GFPT2: variants seen among roughly 807,000 people sequenced by gnomAD.
GFPT2 encodes the protein glutamine--fructose-6-phosphate transaminase 2.
A neutral mutation model predicts 85.6 loss-of-function variants in GFPT2; 62 were observed. That is an observed-to-expected ratio of 0.72 (90% CI 0.59 to 0.90). The LOEUF (loss-of-function observed/expected upper bound fraction) is 0.90, where lower values mean the gene tolerates loss of function less well. GFPT2 is among the 40% of genes least tolerant of loss of function. The pLI is 0.00. For synonymous variants in GFPT2, 368 were observed against 344.5 expected (o/e 1.07, Z -0.75); for missense variants, 788 against 893.4 (o/e 0.88, Z 1.50).
chr5:180,324,954 C>T lies in GFPT2; in HGVS notation c.597-59G>A, dbSNP rs1581379219. ...GCCTTTGACGCCCAGTGCTGGGTGT[C>T]TGCCCAGCATCTGAGGTAGGATCCC... On this transcript the variant is annotated intron_variant, in intron 7 of 18. Coordinates refer to ENST00000253778, the MANE Select transcript of GFPT2 (RefSeq NM_005110.4). The T allele has an allele frequency of 1.4e-5, 14 of 1,036,536 alleles. No homozygotes were observed. The South Asian group carries it at 1.8e-4, about 13-fold the overall frequency. The allele number at this position is 1,036,536 out of a possible 1,614,324, so 64.2% of individuals were successfully genotyped here.
intron 4 of GFPT2, among the ~76,000 whole-genome samples, chr5:180,334,045 C>A (rs1224501146): frequency 6.6e-6 from 1 of 152,198 alleles, no homozygotes; most frequent in Non-Finnish European, 1.5e-5. Flanking sequence ...GGGCTCTGGC[C>A]AGATGTACAT....
chr5:180,352,153 G>T (rs1764722049), intron 1 of GFPT2, among the ~76,000 whole-genome samples: 1 of 152,036 alleles, frequency 6.6e-6, no homozygotes, highest in African/African-American at 2.4e-5. Context: ...GCCGTAGGTC[G>T]TTCCCTTCTG....
intron 1 of GFPT2, among the ~76,000 whole-genome samples, chr5:180,349,809 C>T (rs1455048238): frequency 3.3e-5 from 5 of 151,784 alleles, no homozygotes; most frequent in African/African-American, 9.7e-5. Context: ...GGACAAAAGA[C>T]GGTGATGTCA....
intron 1 of GFPT2, 36 bp from the exon 2 acceptor site, chr5:180,338,636 T>C (rs1764450161): frequency 1.6e-6 from 2 of 1,267,916 alleles, no homozygotes; most frequent in East Asian, 4.7e-5. Context: ...ATTCATAAAA[T>C]ACTCAGCTCG....
rs78398793 is a variant in GFPT2, at chr5:180,318,760, G to A, written c.958+33C>T. 17,244 of 1,598,180 alleles carry A rather than the reference G, an allele frequency of 0.011. 115 individuals are homozygous for A. The highest frequency in any genetic ancestry group is 0.013 in the Non-Finnish European group (15,275 of 1,167,356). ...CTCCACCAGGCGCGCTGGCTCCCGAGGCTGCCGCACGTGGACTCTGGAGGA... is the reference window on the plus strand; with the variant it reads ...CTCCACCAGGCGCGCTGGCTCCCGAAGCTGCCGCACGTGGACTCTGGAGGA... On this transcript the variant is annotated intron_variant, in intron 10 of 18. Transcript: ENST00000253778. The surrounding 1 kb of genome is among the most constrained non-coding windows in gnomAD (Gnocchi z 4.2).
At chr5:180,317,169 C>T in intron 10 of GFPT2, 111 bp from the exon 11 acceptor site, 1 of 771,084 alleles carries the variant, frequency 1.3e-6, no homozygotes, top group Non-Finnish European at 2.3e-6. Flanking sequence ...CCAAAGGCAT[C>T]CCCAGGGATT....
chr5:180,316,553 C>T (rs4700733), intron 12 of GFPT2, 92 bp from the exon 13 acceptor site: 118,111 of 1,398,566 alleles, frequency 0.084, 6,162 homozygotes, highest in African/African-American at 0.2. Flanking sequence ...GTTTGTGACA[C>T]GGAACCTCAC....
At chr5:180,329,809 G>C (rs1445549199) in intron 6 of GFPT2, among the ~76,000 whole-genome samples, 9 of 152,308 alleles carry the variant, frequency 5.9e-5, no homozygotes, top group African/African-American at 2.2e-4. Flanking sequence ...GAGAGGCCCG[G>C]ACCCCTCTCG....
Position 180,353,241 on chromosome 5 carries a change from C to T in GFPT2, c.-24G>A. On this transcript the variant is annotated 5_prime_UTR_variant, in exon 1 of 19. Coordinates refer to ENST00000253778, the MANE Select transcript of GFPT2 (RefSeq NM_005110.4). ...ATCGTGGCTGCTTCTCGGGCTCCTT[C>T]GCGGCTCGAGGGGGTCTGCCCGTTC... The T allele has an allele frequency of 7.2e-6, 9 of 1,241,636 alleles. No homozygotes were observed. Among genetic ancestry groups the T allele is most frequent in the Non-Finnish European group, 9.1e-6 (9 of 988,564 alleles). The allele number at this position is 1,241,636 out of a possible 1,614,324, so 76.9% of individuals were successfully genotyped here.
At chr5:180,348,820 C>T (rs902072071) in intron 1 of GFPT2, among the ~76,000 whole-genome samples, 2 of 151,304 alleles carry the variant, frequency 1.3e-5, no homozygotes, top group Non-Finnish European at 2.9e-5. Context: ...CGGCTCACTG[C>T]AACCTCTGCC....
Position 180,331,480 on chromosome 5 carries a change from G to A in GFPT2, c.399+15C>T, listed in dbSNP as rs1280070001. ...TCCCACCGGACTGAGACATCACCTA[G>A]GGGAAGCATCTTACCAGAAATTTCC... On this transcript the variant is annotated intron_variant, in intron 5 of 18. Coordinates refer to ENST00000253778, the MANE Select transcript of GFPT2 (RefSeq NM_005110.4). The A allele has an allele frequency of 6.7e-7, 1 of 1,490,886 alleles. No homozygotes were observed. The highest frequency in any genetic ancestry group is 1.7e-5 in the Admixed American group (1 of 59,776). The allele number at this position is 1,490,886 out of a possible 1,614,324, so 92.4% of individuals were successfully genotyped here. A position where few individuals can be genotyped will look rare whatever the true frequency, so the allele number is the denominator to read the frequency against.
rs199497990 is a variant in GFPT2 at position 180,302,956 on chromosome 5, G to A, written c.1843-372C>T. ...AATAAAGATGAATTCCAGGCCGGGC[G>A]TGGTGGCTCACGCCTGTAATCCCAA... is the stretch of plus-strand genomic sequence containing the variant. On this transcript the variant is annotated intron_variant, in intron 17 of 18. Transcript: ENST00000253778. Among the ~76,000 whole-genome samples, 199 of 152,246 alleles carry A rather than the reference G, an allele frequency of 1.3e-3. 1 individual carries two copies. The highest frequency in any genetic ancestry group is 3.4e-3 in the Middle Eastern group (1 of 294).
chr5:180,325,011 C>A, intron 7 of GFPT2, 116 bp from the exon 8 acceptor site: 2 of 741,778 alleles, frequency 2.7e-6, no homozygotes. Flanking sequence ...GGTGGAGGAT[C>A]CTGTTTAGGT....
At chr5:180,321,570 TG>T (rs1764120598) in intron 9 of GFPT2, among the ~76,000 whole-genome samples, 1 of 152,238 alleles carries the variant, frequency 6.6e-6, no homozygotes. Flanking sequence ...CATGGGATCC[TG>T]GTGAGGCTCT....
chr5:180,332,321 G>A (rs1764318653), intron 4 of GFPT2, among the ~76,000 whole-genome samples: 1 of 152,282 alleles, frequency 6.6e-6, no homozygotes, highest in Non-Finnish European at 1.5e-5. Context: ...TCAATGAATA[G>A]CCCGCATATG....
chr5:180,303,998 G>A (rs1763730795), intron 17 of GFPT2, among the ~76,000 whole-genome samples: 2 of 152,102 alleles, frequency 1.3e-5, no homozygotes, highest in South Asian at 4.2e-4. Flanking sequence ...ACAAAAGTGG[G>A]GCTGGCGACT....
chr5:180,329,756 G>A (rs901005389), intron 6 of GFPT2, among the ~76,000 whole-genome samples: 3 of 152,196 alleles, frequency 2.0e-5, no homozygotes, highest in Non-Finnish European at 4.4e-5. Flanking sequence ...CACAGCCCTG[G>A]GGGAGCTACT....
At position 180,324,216 on chromosome 5, in the gene GFPT2, C is replaced by T. The variant is rs561071820; in HGVS notation, c.766G>A (p.Val256Met). Reference sequence around the variant, plus strand: ...GCATCAGAAGCAAAGAAGAATTCCACGGCCTTGTCGCCCACAGCATGCAGG... The same window carrying T: ...GCATCAGAAGCAAAGAAGAATTCCATGGCCTTGTCGCCCACAGCATGCAGG... ...ACLHAVGDKAVEFFFASDASA... is the reference protein window; with the variant it reads ...ACLHAVGDKAMEFFFASDASA... Residue 256 changes from valine (V) to methionine (M), a missense_variant, in exon 9 of 19, where the codon GTG becomes ATG. Val to Met is a conservative substitution (Grantham distance 21). Transcript: ENST00000253778. 53 of 1,608,212 alleles carry T rather than the reference C, an allele frequency of 3.3e-5. No homozygotes were observed. The highest frequency in any genetic ancestry group is 8.8e-5 in the South Asian group (8 of 90,844).
chr5:180,304,321 TAGTC>T (rs1485940991), intron 17 of GFPT2, among the ~76,000 whole-genome samples: 2 of 152,264 alleles, frequency 1.3e-5, no homozygotes, highest in African/African-American at 4.8e-5. Context: ...CTTGGATTCA[TAGTC>T]AGTTGCTCAG....
Sources: gnomAD v4.1 joint callset for allele counts (sites outside exome capture counted in the v4.1 genomes callset) on GRCh38, gnomAD v4.1.1 for gene constraint, Gnocchi (gnomAD v3.1) non-coding constraint, MANE v1.5 for transcripts, NCBI Gene and HGNC (gene_info 2026-07-23, HGNC 2026-07-21) for gene names.